Variants in LRP1B observed in about 807,000 individuals in gnomAD.
The protein encoded by LRP1B is LDL receptor related protein 1B, also known as low-density lipoprotein receptor-related protein 1B.
In LRP1B, 217 loss-of-function variants were observed where a neutral mutation model predicts 556.6. That is an observed-to-expected ratio of 0.39 (90% confidence interval 0.35 to 0.44). The LOEUF (loss-of-function observed/expected upper bound fraction) is 0.44. LRP1B is among the 20% of genes least tolerant of loss of function. LRP1B has a pLI of 1.00. For synonymous variants in LRP1B, 2,047 were observed against 1,865.8 expected, an observed-to-expected ratio of 1.10 and a Z score of -2.50; for missense variants, 5,053 against 5,620.8, an observed-to-expected ratio of 0.90 and a Z score of 3.23.
At position 140,239,493 on chromosome 2, in the gene LRP1B, G is replaced by A. The variant is rs1287621084; in HGVS notation, c.13364C>T (p.Thr4455Ile). 1 of 1,604,834 alleles carries A rather than the reference G, an allele frequency of 6.2e-7. No homozygotes were observed. The highest frequency in any genetic ancestry group is 2.3e-5 in the East Asian group (1 of 44,352). ...AIIVPLVLLV[T>I]LITTLVIGLV... is the part of the protein sequence containing the mutation. ...ACCAATTACTAAGGTGGTTATCAAA[G>A]TCACCAAGAGGACGAGAGGCACAAT... Residue 4455 changes from threonine to isoleucine, a missense_variant, in exon 88 of 91, where the codon ACT (threonine) becomes ATT (isoleucine). Coordinates refer to ENST00000389484, the MANE Select transcript of LRP1B (RefSeq NM_018557.3).
intron 29 of LRP1B, among the ~76,000 whole-genome samples, 160 bp from the exon 30 acceptor site, chr2:140,841,252 T>C (rs922352297): frequency 6.6e-6 from 1 of 152,198 alleles, no homozygotes; most frequent in African/African-American, 2.4e-5. Flanking sequence ...TCAGCCCTTC[T>C]TAAGGCATGA....
At chr2:141,456,216 T>C (rs888324035) in intron 3 of LRP1B, among the ~76,000 whole-genome samples, 8 of 152,206 alleles carry the variant, frequency 5.3e-5, no homozygotes, top group Admixed American at 4.6e-4. Flanking sequence ...GTTTTGCAAA[T>C]GTATTTTTTT....
chr2:141,558,226 G>A (rs890069988), intron 2 of LRP1B, among the ~76,000 whole-genome samples: 2 of 151,838 alleles, frequency 1.3e-5, no homozygotes, highest in African/African-American at 4.8e-5. Context: ...AGGTCACCAA[G>A]GAGACACCTA....
chr2:140,310,480 T>A (rs1684251660), intron 83 of LRP1B, among the ~76,000 whole-genome samples: 1 of 148,384 alleles, frequency 6.7e-6, no homozygotes. Context: ...AGGCATTACA[T>A]TACCTGACTT....
chr2:141,150,616 C>A (rs995482642), intron 7 of LRP1B, among the ~76,000 whole-genome samples: 21 of 152,060 alleles, frequency 1.4e-4, no homozygotes, highest in African/African-American at 4.8e-4. Context: ...CAACTAAATT[C>A]CTAATGCAGC....
chr2:141,455,546 C>T (rs1346508314), intron 3 of LRP1B, among the ~76,000 whole-genome samples: 2 of 150,894 alleles, frequency 1.3e-5, no homozygotes, highest in Non-Finnish European at 3.0e-5. Context: ...CAGTAAGAAA[C>T]TACAAAAAGA....
At chr2:140,700,712 T>G in intron 40 of LRP1B, 91 bp from the exon 41 acceptor site, 1 of 1,287,698 alleles carries the variant, frequency 7.8e-7, no homozygotes, top group Non-Finnish European at 1.1e-6. Context: ...ATTAAAACTT[T>G]GATGTTGAAT....
intron 23 of LRP1B, among the ~76,000 whole-genome samples, chr2:140,899,981 A>C: frequency 7.4e-6 from 1 of 134,436 alleles, no homozygotes; most frequent in East Asian, 2.4e-4. Context: ...TAAAACAAGA[A>C]AAAAAAACAA....
intron 3 of LRP1B, among the ~76,000 whole-genome samples, chr2:141,470,711 G>A (rs1682429009): frequency 6.6e-6 from 1 of 152,162 alleles, no homozygotes; most frequent in Non-Finnish European, 1.5e-5. Flanking sequence ...TCAAGCTGCT[G>A]TGTCAAAAAA....
At chr2:140,807,497 C>T (rs936250080) in intron 32 of LRP1B, among the ~76,000 whole-genome samples, 12 of 146,294 alleles carry the variant, frequency 8.2e-5, no homozygotes, top group Non-Finnish European at 1.2e-4. Context: ...CCCGCCACCA[C>T]GCCTTGCTAA....
chr2:140,694,880 GATC>G (rs893586767), intron 41 of LRP1B, among the ~76,000 whole-genome samples: 7 of 151,618 alleles, frequency 4.6e-5, no homozygotes, highest in East Asian at 1.9e-4. Context: ...TAATTATAGT[GATC>G]ATATTTTTTT....
chr2:141,937,607 A>C (rs778785083), intron 1 of LRP1B, among the ~76,000 whole-genome samples: 1 of 151,576 alleles, frequency 6.6e-6, no homozygotes, highest in South Asian at 2.1e-4. Flanking sequence ...AACTTGAAAA[A>C]CTGATTCTAA....
intron 2 of LRP1B, among the ~76,000 whole-genome samples, chr2:141,781,537 C>T (rs1254166055): frequency 5.3e-5 from 8 of 152,142 alleles, no homozygotes; most frequent in Non-Finnish European, 8.8e-5. Flanking sequence ...AATTTTTTCA[C>T]TCTCTTCCCA....
At chr2:141,771,470 CTAAGTA>C (rs1419857545) in intron 2 of LRP1B, among the ~76,000 whole-genome samples, 1 of 152,140 alleles carries the variant, frequency 6.6e-6, no homozygotes, top group Non-Finnish European at 1.5e-5. Context: ...ACTCTTATTC[CTAAGTA>C]TAAGAGAAGT....
chr2:141,758,615 G>A (rs1452826785), intron 2 of LRP1B, among the ~76,000 whole-genome samples: 1 of 151,994 alleles, frequency 6.6e-6, no homozygotes, highest in African/African-American at 2.4e-5. Flanking sequence ...TATTTACTTA[G>A]AGTATTGATT....
intron 1 of LRP1B, among the ~76,000 whole-genome samples, chr2:142,090,963 A>G (rs1311594242): frequency 6.6e-6 from 1 of 152,116 alleles, no homozygotes; most frequent in Non-Finnish European, 1.5e-5. Context: ...CTTAAAGAAA[A>G]TATATGATTG....
chr2:142,093,315 A>T (rs1706239714), intron 1 of LRP1B, among the ~76,000 whole-genome samples: 1 of 152,112 alleles, frequency 6.6e-6, no homozygotes, highest in Non-Finnish European at 1.5e-5. Flanking sequence ...CCTTGAGGGC[A>T]GCATCACTTT....
intron 62 of LRP1B, among the ~76,000 whole-genome samples, chr2:140,455,676 T>A (rs536423463): frequency 6.6e-6 from 1 of 152,332 alleles, no homozygotes; most frequent in Non-Finnish European, 1.5e-5. Flanking sequence ...ATTTAGCTTC[T>A]CCATTTTGAA....
At chr2:140,667,432 C>T (rs1219340819) in intron 41 of LRP1B, among the ~76,000 whole-genome samples, 1 of 152,146 alleles carries the variant, frequency 6.6e-6, no homozygotes, top group African/African-American at 2.4e-5. Flanking sequence ...TTTGCTAAGG[C>T]TCCAAGCTAG....
Sources: gnomAD v4.1 joint callset for allele counts (sites outside exome capture counted in the v4.1 genomes callset) on GRCh38, gnomAD v4.1.1 for gene constraint, MANE v1.5 for transcripts, NCBI Gene and HGNC (gene_info 2026-07-23, HGNC 2026-07-21) for gene names.